The following RNGTT variants were observed in gnomAD, a reference collection of about 807,000 sequenced individuals.
RNGTT encodes mRNA-capping enzyme.
In RNGTT, 33 loss-of-function variants were observed where a neutral mutation model predicts 79.3. The ratio of observed to expected loss-of-function variants is 0.42; its 90% CI spans 0.32 to 0.56. The LOEUF (loss-of-function observed/expected upper bound fraction) is 0.56. Among genes scored for constraint, RNGTT ranks in the 20% least tolerant of loss-of-function variants. RNGTT has a pLI of 0.17. For synonymous variants in RNGTT, 222 were observed against 235.9 expected, an observed-to-expected ratio of 0.94 and a Z score of 0.54; for missense variants, 497 against 739.1, an observed-to-expected ratio of 0.67 and a Z score of 3.80.
At chr6:88,686,767 T>C (rs571772715) in intron 13 of RNGTT, among the ~76,000 whole-genome samples, 55 of 152,238 alleles carry the variant, frequency 3.6e-4, no homozygotes, top group African/African-American at 1.3e-3. Context: ...TCTGTCTACA[T>C]TAAAATTAAT....
In RNGTT at chr6:88,958,135, C is replaced by G. The variant is rs564173630; in HGVS notation, c.64+5211G>C. Among the ~76,000 whole-genome samples the G allele has an allele frequency of 5.3e-5, 8 of 152,272 alleles. No homozygotes were observed. The South Asian group carries it at 1.7e-3, about 32-fold the overall frequency. Reference sequence around the variant, plus strand: ...AAAAGCATAAAGTGGGGAAAGGACACCCTATTCAACAAATGGTCCTGGGAT... The same window carrying G: ...AAAAGCATAAAGTGGGGAAAGGACAGCCTATTCAACAAATGGTCCTGGGAT... On this transcript the variant is annotated intron_variant, in intron 1 of 15. Coordinates refer to ENST00000369485, the MANE Select transcript of RNGTT (RefSeq NM_003800.5).
intron 4 of RNGTT, among the ~76,000 whole-genome samples, chr6:88,915,872 A>G (rs569484573): frequency 6.6e-6 from 1 of 152,354 alleles, no homozygotes; most frequent in South Asian, 2.1e-4. Flanking sequence ...CTATTTTGTC[A>G]GGCAATATTT....
chr6:88,670,131 T>A (rs377298270), intron 14 of RNGTT, among the ~76,000 whole-genome samples: 1 of 152,212 alleles, frequency 6.6e-6, no homozygotes, highest in South Asian at 2.1e-4. Context: ...CCAATTGCTG[T>A]CTGCATATAG....
In RNGTT at chr6:88,932,067, GTAA is replaced by G. The variant is rs565816630; in HGVS notation, c.175-2803_175-2801del. On this transcript the variant is annotated intron_variant, in intron 2 of 15. Coordinates refer to ENST00000369485, the MANE Select transcript of RNGTT (RefSeq NM_003800.5). ...ATATTTCCCTTATTGCCAAAAACAG[GTAA>G]GAGAAATATCACTGAATTCTCTCCC... Among the ~76,000 whole-genome samples, 8 of 152,236 alleles carry G rather than the reference GTAA, an allele frequency of 5.3e-5. No individual in the cohort carries two copies. The South Asian group carries it at 1.7e-3, about 32-fold the overall frequency.
chr6:88,666,896 C>T lies in RNGTT; in HGVS notation c.1506+11457G>A, dbSNP rs183489788. ...GACTGTAAACATTTATACTGACTCTCGGTATGCCTTTTTAACCCTCCAAGT... is the reference window on the plus strand; with the variant it reads ...GACTGTAAACATTTATACTGACTCTTGGTATGCCTTTTTAACCCTCCAAGT... On this transcript the variant is annotated intron_variant, in intron 14 of 15. Coordinates refer to ENST00000369485, the MANE Select transcript of RNGTT (RefSeq NM_003800.5). Among the ~76,000 whole-genome samples, 89 of 152,248 alleles carry T rather than the reference C, an allele frequency of 5.8e-4. 1 individual carries two copies. The East Asian group carries it at 0.01, about 18-fold the overall frequency.
intron 11 of RNGTT, among the ~76,000 whole-genome samples, chr6:88,832,244 T>C (rs984090464): frequency 3.3e-5 from 5 of 152,020 alleles, no homozygotes; most frequent in Non-Finnish European, 7.4e-5. Context: ...AAAACAGATA[T>C]ATAGACCAAT....
intron 13 of RNGTT, among the ~76,000 whole-genome samples, chr6:88,737,440 A>AT (rs1465678360): frequency 2.0e-5 from 3 of 152,120 alleles, no homozygotes; most frequent in African/African-American, 7.2e-5. Flanking sequence ...AAATGAATGT[A>AT]TTTTTCATGT....
chr6:88,934,297 A>C (rs960224922), intron 2 of RNGTT, among the ~76,000 whole-genome samples: 1 of 152,068 alleles, frequency 6.6e-6, no homozygotes, highest in Non-Finnish European at 1.5e-5. Context: ...CAGCTTCCCA[A>C]AGTGCTAGGA....
chr6:88,871,449 C>T (rs1380841162), intron 8 of RNGTT, among the ~76,000 whole-genome samples: 4 of 151,968 alleles, frequency 2.6e-5, no homozygotes, highest in Non-Finnish European at 4.4e-5. Flanking sequence ...AGAGATGGAG[C>T]TTAATTCCCC....
intron 12 of RNGTT, among the ~76,000 whole-genome samples, chr6:88,790,671 T>C (rs1053693661): frequency 3.9e-5 from 6 of 152,224 alleles, no homozygotes; most frequent in African/African-American, 1.4e-4. Flanking sequence ...ATTTTTAAAA[T>C]GCAGATTACC....
Position 88,941,198 on chromosome 6 carries a change from G to T in RNGTT, c.65-18C>A, listed in dbSNP as rs1487862920. 7.3e-7 allele frequency: 1 copy of T among 1,365,946 alleles called. No homozygotes were observed. The highest frequency in any genetic ancestry group is 1.0e-6 in the Non-Finnish European group (1 of 970,694). 84.6% of individuals were successfully genotyped at this position (1,365,946 alleles called of 1,614,324 possible). A position where few individuals can be genotyped will look rare whatever the true frequency, so the allele number is the denominator to read the frequency against. On this transcript the variant is annotated intron_variant, in intron 1 of 15. Transcript: ENST00000369485. ...GAATCTTCCTAAACAACACAGATAG[G>T]TAATCATTTCCATAAAAGGAAATGT...
Position 88,963,569 on chromosome 6 carries a change from G to T in RNGTT, c.-160C>A. The T allele has an allele frequency of 3.2e-6, 2 of 618,724 alleles. No individual in the cohort carries two copies. The highest frequency in any genetic ancestry group is 1.9e-5 in the African/African-American group (1 of 51,618). 38.3% of individuals were successfully genotyped at this position (618,724 alleles called of 1,614,324 possible). ...ATCCGGGTAACGTCAGGGGCGGCGC[G>T]CCACTTTCATTCAGGATCAACTCCA... On this transcript the variant is annotated 5_prime_UTR_variant, in exon 1 of 16. Transcript: ENST00000369485.
chr6:88,615,105 T>C (rs1340667345), intron 14 of RNGTT, among the ~76,000 whole-genome samples: 1 of 152,174 alleles, frequency 6.6e-6, no homozygotes, highest in Non-Finnish European at 1.5e-5. Flanking sequence ...TTAAAAGATA[T>C]TTCACTGGGC....
At chr6:88,659,921 T>C (rs145698344) in intron 14 of RNGTT, among the ~76,000 whole-genome samples, 2 of 152,272 alleles carry the variant, frequency 1.3e-5, no homozygotes, top group African/African-American at 2.4e-5. Flanking sequence ...AGGTAACCTA[T>C]AAAGGAAAAC....
intron 13 of RNGTT, among the ~76,000 whole-genome samples, chr6:88,724,982 T>C (rs1776839964): frequency 6.6e-6 from 1 of 152,182 alleles, no homozygotes. Context: ...TCCCCTCCCT[T>C]GCCCAAGTGT....
intron 13 of RNGTT, among the ~76,000 whole-genome samples, chr6:88,735,713 T>C (rs1407802672): frequency 6.6e-6 from 1 of 152,012 alleles, no homozygotes; most frequent in African/African-American, 2.4e-5. Context: ...ATTTACAGCA[T>C]TGAAGGCATT....
At chr6:88,850,154 C>T (rs1470316811) in intron 9 of RNGTT, among the ~76,000 whole-genome samples, 2 of 151,884 alleles carry the variant, frequency 1.3e-5, no homozygotes, top group Non-Finnish European at 2.9e-5. Context: ...AAATTCTAAA[C>T]GTCAGGATCT....
At chr6:88,695,964 C>T (rs1562200067) in intron 13 of RNGTT, among the ~76,000 whole-genome samples, 3 of 152,028 alleles carry the variant, frequency 2.0e-5, no homozygotes, top group South Asian at 2.1e-4. Context: ...AACTTATAGA[C>T]GAGAGTTGAA....
intron 12 of RNGTT, among the ~76,000 whole-genome samples, chr6:88,788,533 G>A (rs766811070): frequency 6.6e-6 from 1 of 152,142 alleles, no homozygotes; most frequent in East Asian, 1.9e-4. Flanking sequence ...CAGTTGATTC[G>A]AACATCATTT....
Sources: gnomAD v4.1 joint callset for allele counts (sites outside exome capture counted in the v4.1 genomes callset) on GRCh38, gnomAD v4.1.1 for gene constraint, MANE v1.5 for transcripts, NCBI Gene and HGNC (gene_info 2026-07-23, HGNC 2026-07-21) for gene names.